MXRA5: variants seen among roughly 807,000 people sequenced by gnomAD.
MXRA5 encodes matrix remodeling associated 5, also known as matrix-remodeling-associated protein 5.
In MXRA5, 41 loss-of-function variants were observed where a neutral mutation model predicts 112.5. The observed-to-expected ratio is 0.36, with a 90% CI of 0.28 to 0.47. MXRA5 has a LOEUF of 0.47. MXRA5 is among the 20% of genes least tolerant of loss of function. The probability of loss-of-function intolerance (pLI) is 0.99; values close to 1 mark genes in which losing one functional copy is unlikely to be tolerated. For missense variants in MXRA5, 2,150 were observed against 2,251.0 expected, an observed-to-expected ratio of 0.96 and a Z score of 0.91; for synonymous variants, 862 against 900.8, an observed-to-expected ratio of 0.96 and a Z score of 0.77.
intron 6 of MXRA5, among the ~76,000 whole-genome samples, chrX:3,315,490 T>C (rs1921092841): frequency 9.2e-6 from 1 of 108,249 alleles, no homozygotes; most frequent in Admixed American, 1.0e-4. Context: ...TGGATGACAA[T>C]CTGTGATGGG....
rs142447003 is a variant in MXRA5 at position 3,311,440 on chromosome X, C to T, written c.6763G>A (p.Val2255Ile). Residue 2255 changes from valine to isoleucine, a missense_variant, in exon 7 of 7, where the codon GTC (valine) becomes ATC (isoleucine). Transcript: ENST00000217939. ...ACTTTCAGGTCACCCCCGTAGAAGA[C>T]TTTGTGGTCGTTCTCCTCCTTGTGT... ...IEHKEENDHK[V>I]FYGGDLKVDC... 197 of 1,210,161 alleles carry T rather than the reference C, an allele frequency of 1.6e-4. No homozygotes were observed. In the African/African-American group the frequency reaches 3.2e-3, roughly 19 times the overall value.
intron 2 of MXRA5, among the ~76,000 whole-genome samples, chrX:3,340,859 A>G (rs1423641601): frequency 9.8e-6 from 1 of 102,081 alleles, no homozygotes; most frequent in Non-Finnish European, 2.0e-5. Context: ...GGGAGGGTGC[A>G]TGCAGGGACT....
chrX:3,338,230 G>A (rs1249198737), intron 2 of MXRA5, among the ~76,000 whole-genome samples: 1 of 111,676 alleles, frequency 9.0e-6, no homozygotes, highest in Non-Finnish European at 1.9e-5. Flanking sequence ...CTTCAAGGGT[G>A]TGATATGTTC....
intron 4 of MXRA5, among the ~76,000 whole-genome samples, chrX:3,328,885 G>GAAGA (rs1247578975): frequency 3.0e-5 from 3 of 98,615 alleles, no homozygotes; most frequent in Non-Finnish European, 6.2e-5. Context: ...AGGAAGGAAG[G>GAAGA]AAGAAGGAAG....
intron 4 of MXRA5, among the ~76,000 whole-genome samples, chrX:3,327,183 G>C (rs1473083581): frequency 1.1e-5 from 1 of 90,189 alleles, no homozygotes; most frequent in Admixed American, 1.3e-4. Flanking sequence ...GAATTATAAA[G>C]CTCCTAACTG....
At position 3,317,154 on chromosome X, in the gene MXRA5, G is replaced by A. The variant is rs766618264; in HGVS notation, c.6527C>T (p.Pro2176Leu). ...LDCSASGDPWPRILWRLPSKR... is the reference protein window; with the variant it reads ...LDCSASGDPWLRILWRLPSKR... ...GGACGGCAGCCTCCAGAGGATGCGC[G>A]GCCAGGGGTCCCCCGAGGCGCTGCA... Residue 2176 changes from proline (P) to leucine (L), a missense_variant, in exon 6 of 7, where the codon CCG (proline) becomes CTG (leucine). Pro to Leu is a moderately conservative substitution (Grantham distance 98, BLOSUM62 -3). Around this residue, in one of 6 missense-constraint regions of MXRA5, gnomAD observed 1,485 missense variants for 1,471.6 expected, o/e 1.01. Transcript: ENST00000217939. 11 of 1,200,864 alleles carry A rather than the reference G, an allele frequency of 9.2e-6. No homozygotes were observed. The South Asian group carries it at 1.6e-4, about 18-fold the overall frequency.
rs1921425200 is a variant in MXRA5, at chrX:3,325,054, C to T, written c.710-79G>A. 4.9e-6 allele frequency: 5 copies of T among 1,026,981 alleles called. No homozygotes were observed. The East Asian group carries it at 1.3e-4, about 27-fold the overall frequency. 84.6% of individuals were successfully genotyped at this position (1,026,981 alleles called of 1,213,427 possible). ...CTTGCACATGGCCAGAGGATAAAGC[C>T]TATGTTTGCATCTTTATCACCCAGC... On this transcript the variant is annotated intron_variant, in intron 4 of 6. Coordinates refer to ENST00000217939, the MANE Select transcript of MXRA5 (RefSeq NM_015419.4).
intron 2 of MXRA5, among the ~76,000 whole-genome samples, chrX:3,341,228 A>G (rs1158750240): frequency 2.1e-5 from 1 of 47,234 alleles, no homozygotes; most frequent in Non-Finnish European, 3.6e-5. Flanking sequence ...TATATAATGT[A>G]TATAATTATA....
Position 3,315,398 on chromosome X carries a change from TA to T in MXRA5, c.6578+1704del, listed in dbSNP as rs373722375. Among the ~76,000 whole-genome samples the T allele has an allele frequency of 2.1e-3, 70 of 32,640 alleles. 3 individuals are homozygous for T. Among genetic ancestry groups the T allele is most frequent in the African/African-American group, 8.5e-3 (63 of 7,381 alleles). The allele number at this position is 32,640 out of a possible 115,157, so 28.3% of individuals were successfully genotyped here. A position where few individuals can be genotyped will look rare whatever the true frequency, so the allele number is the denominator to read the frequency against. On this transcript the variant is annotated intron_variant, in intron 6 of 6. Transcript: ENST00000217939. Reference sequence around the variant, plus strand: ...AATAGATAGATAGATAGATGATAGATAGATAGATAGATAGATAGATAGAACC... The same window carrying T: ...AATAGATAGATAGATAGATGATAGATGATAGATAGATAGATAGATAGAACC...
At chrX:3,338,734 TAGATAGA>T (rs2042042213) in intron 2 of MXRA5, among the ~76,000 whole-genome samples, 1 of 110,620 alleles carries the variant, frequency 9.0e-6, no homozygotes, top group South Asian at 3.9e-4. Context: ...GATAGATTGA[TAGATAGA>T]TGATAGGTAG....
rs1921288626 is a variant in MXRA5 at position 3,321,075 on chromosome X, G to T, written c.4610C>A (p.Pro1537Gln). 1 of 1,210,024 alleles carries T rather than the reference G, an allele frequency of 8.3e-7. No individual in the cohort carries two copies. The highest frequency in any genetic ancestry group is 1.1e-6 in the Non-Finnish European group (1 of 895,135). Residue 1537 changes from proline to glutamine, a missense_variant, in exon 5 of 7, where the codon CCA becomes CAA. By Grantham distance (76) the Pro-to-Gln change is moderately conservative. This residue lies in a region of MXRA5 where 1,485 missense variants were observed against 1,471.6 expected (regional missense o/e 1.01). Coordinates refer to ENST00000217939, the MANE Select transcript of MXRA5 (RefSeq NM_015419.4). ...GTTCACTGGGGTTGCTTCTGTTTCT[G>T]GATTCCCCACATAATTCAAGAAAAC... The part of the protein sequence containing the change: ...ENVFLNYVGN[P>Q]ETEATPVNNE...
At chrX:3,325,943 G>T (rs189844817) in intron 4 of MXRA5, among the ~76,000 whole-genome samples, 4 of 12,066 alleles carry the variant, frequency 3.3e-4, no homozygotes, top group South Asian at 4.9e-3. Context: ...ATTTATAATT[G>T]TAATTTATAA....
chrX:3,344,569 G>GA (rs1264709346), intron 1 of MXRA5, among the ~76,000 whole-genome samples: 6 of 111,194 alleles, frequency 5.4e-5, no homozygotes, highest in Non-Finnish European at 1.1e-4. Context: ...CAGGCAAACA[G>GA]AAAAAAATGG....
In MXRA5 at chrX:3,320,633, A is replaced by G; in HGVS notation, c.5052T>C (p.Pro1684=). The change falls in exon 5 of 7, where the codon CCT becomes CCC. Residue 1684 remains proline (P), a synonymous_variant. Coordinates refer to ENST00000217939, the MANE Select transcript of MXRA5 (RefSeq NM_015419.4). ...LPLHMSKPSI[P]SKFTDRRTDQ... ...CAGTTCTTCGGTCAGTAAACTTACT[A>G]GGAATGCTGGGTTTGGACATGTGCA... 1 of 1,211,903 alleles carries G rather than the reference A, an allele frequency of 8.3e-7. No individual in the cohort carries two copies. The highest frequency in any genetic ancestry group is 1.8e-5 in the South Asian group (1 of 56,999).
intron 3 of MXRA5, 102 bp downstream of exon 3, chrX:3,330,542 A>G (rs1921639920): frequency 4.4e-6 from 5 of 1,125,725 alleles, no homozygotes; most frequent in Non-Finnish European, 5.9e-6. Context: ...GTCAAACAAT[A>G]GCCGTTTTAT....
At position 3,308,801 on chromosome X, in the gene MXRA5, C is replaced by T. The variant is rs1273065467; in HGVS notation, c.*915G>A. 2 of 111,157 alleles carry T rather than the reference C, an allele frequency of 1.8e-5. No homozygotes were observed. The highest frequency in any genetic ancestry group is 3.3e-5 in the African/African-American group (1 of 30,516). 9.2% of individuals were successfully genotyped at this position (111,157 alleles called of 1,213,427 possible). A position where few individuals can be genotyped will look rare whatever the true frequency, so the allele number is the denominator to read the frequency against. On this transcript the variant is annotated 3_prime_UTR_variant, in exon 7 of 7. Coordinates refer to ENST00000217939, the MANE Select transcript of MXRA5 (RefSeq NM_015419.4). ...TGTAAAGTTATGATGCAGTTTTCTCCTTCCTCTCCTCTCACCTCCTCTGAG... is the reference window on the plus strand; with the variant it reads ...TGTAAAGTTATGATGCAGTTTTCTCTTTCCTCTCCTCTCACCTCCTCTGAG...
chrX:3,344,975 A>AAACG (rs1922073091), intron 1 of MXRA5, among the ~76,000 whole-genome samples: 1 of 108,517 alleles, frequency 9.2e-6, no homozygotes, highest in African/African-American at 3.4e-5. Flanking sequence ...ACAAACAAAC[A>AAACG]AAACAAAATT....
chrX:3,320,751 T>G lies in MXRA5; in HGVS notation c.4934A>C (p.Lys1645Thr). The change falls in exon 5 of 7, where the codon AAA becomes ACA. Residue 1645 changes from lysine to threonine, a missense_variant. This residue lies in a region of MXRA5 where 1,485 missense variants were observed against 1,471.6 expected (regional missense o/e 1.01). Coordinates refer to ENST00000217939, the MANE Select transcript of MXRA5 (RefSeq NM_015419.4). ...AGAAGGATATGTAGTTATTTCCGGTTTGTTGGTCCAGTGACGAGGTGACTG... is the reference window on the plus strand; with the variant it reads ...AGAAGGATATGTAGTTATTTCCGGTGTGTTGGTCCAGTGACGAGGTGACTG... ...TSQSPRHWTN[K>T]PEITTYPSGA... 1 of 1,211,881 alleles carries G rather than the reference T, an allele frequency of 8.3e-7. No homozygotes were observed. Among genetic ancestry groups the G allele is most frequent in the Non-Finnish European group, 1.1e-6 (1 of 895,500 alleles).
rs149466491 is a variant in MXRA5 at position 3,333,696 on chromosome X, T to C, written c.189-2923A>G. Among the ~76,000 whole-genome samples the C allele has an allele frequency of 3.0e-3, 330 of 111,593 alleles. 3 individuals carry two copies. Among genetic ancestry groups the C allele is most frequent in the African/African-American group, 0.01 (310 of 30,710 alleles). ...ATTATTTTATTTAGTGAGTTCAAAT[T>C]CATGGAATCATGGTGCAAAACTCCC... On this transcript the variant is annotated intron_variant, in intron 2 of 6. Coordinates refer to ENST00000217939, the MANE Select transcript of MXRA5 (RefSeq NM_015419.4).
Sources: gnomAD v4.1 joint callset for allele counts (sites outside exome capture counted in the v4.1 genomes callset) on GRCh38, gnomAD v4.1.1 for gene constraint, gnomAD v4.1.1 regional missense constraint, MANE v1.5 for transcripts, NCBI Gene and HGNC (gene_info 2026-07-23, HGNC 2026-07-21) for gene names.